The following CLCNKA variants were observed in gnomAD, a reference collection of about 807,000 sequenced individuals.
CLCNKA encodes the protein chloride voltage-gated channel Ka, also known as chloride channel protein ClC-Ka.
In CLCNKA, 66 loss-of-function variants were observed where a neutral mutation model predicts 83.3. The observed-to-expected ratio is 0.79, with a 90% CI of 0.65 to 0.97. CLCNKA has a LOEUF of 0.97. Ranked by LOEUF, CLCNKA falls within the 50% of genes least tolerant of loss-of-function variation. The pLI is 0.00. For missense variants in CLCNKA, 806 were observed against 888.7 expected, an observed-to-expected ratio of 0.91 and a Z score of 1.18; for synonymous variants, 357 against 370.4, an observed-to-expected ratio of 0.96 and a Z score of 0.42.
In CLCNKA at chr1:16,028,085, A is replaced by C. The variant is rs2022447599; in HGVS notation, c.934A>C (p.Thr312Pro). ...CQRTFLSFIK[T>P]NRYSSKLLAT... The stretch of plus-strand genomic sequence containing the variant: ...GCGAACCTTCCTCAGCTTCATCAAG[A>C]CCAATCGGTACAGCTCCAAACTGCT... Residue 312 changes from threonine to proline, a missense_variant, in exon 10 of 20, where the codon ACC becomes CCC. Thr to Pro is a conservative substitution (Grantham distance 38, BLOSUM62 -1). Coordinates refer to ENST00000331433, the MANE Select transcript of CLCNKA (RefSeq NM_004070.4). 6.3e-7 allele frequency: 1 copy of C among 1,578,700 alleles called. No homozygotes were observed. The highest frequency in any genetic ancestry group is 1.3e-5 in the African/African-American group (1 of 74,604).
intron 2 of CLCNKA, among the ~76,000 whole-genome samples, 190 bp from the exon 3 acceptor site, chr1:16,023,610 C>T (rs1445802984): frequency 6.6e-6 from 1 of 152,202 alleles, no homozygotes; most frequent in East Asian, 1.9e-4. Flanking sequence ...CTGACACAGC[C>T]ATCTGCCAGT....
At chr1:16,023,563 A>C (rs1353705456) in intron 2 of CLCNKA, among the ~76,000 whole-genome samples, 1 of 152,214 alleles carries the variant, frequency 6.6e-6, no homozygotes, top group African/African-American at 2.4e-5. Flanking sequence ...AGGCTCACTC[A>C]GTGGTGGCCT....
intron 19 of CLCNKA, 109 bp from the exon 20 acceptor site, chr1:16,033,502 G>C: frequency 2.9e-6 from 3 of 1,019,676 alleles, no homozygotes; most frequent in Admixed American, 3.9e-5. Flanking sequence ...GGTGGCACAG[G>C]CTCTACTATT....
intron 18 of CLCNKA, 40 bp from the exon 19 acceptor site, chr1:16,033,130 C>T (rs778666446): frequency 1.2e-6 from 2 of 1,603,878 alleles, no homozygotes; most frequent in Non-Finnish European, 1.7e-6. Flanking sequence ...GGGCTGGGCG[C>T]CATCTACCCT....
At position 16,030,626 on chromosome 1, in the gene CLCNKA, T is replaced by G. The variant is rs2022585729; in HGVS notation, c.1574T>G (p.Ile525Ser). Residue 525 changes from isoleucine to serine, a missense_variant, in exon 15 of 20, where the codon ATT (isoleucine) becomes AGT (serine). By Grantham distance (142) the Ile-to-Ser change is moderately radical. Coordinates refer to ENST00000331433, the MANE Select transcript of CLCNKA (RefSeq NM_004070.4). ...CCCTCCTTCTATGATGGCACCATCA[T>G]TGTCAAGAAGCTGCCATACCTGCCA... ...CQPSFYDGTI[I>S]VKKLPYLPRI... 18 of 1,613,108 alleles carry G rather than the reference T, an allele frequency of 1.1e-5. No homozygotes were observed. The highest frequency in any genetic ancestry group is 1.4e-5 in the Non-Finnish European group (17 of 1,180,038).
At chr1:16,028,167 G>T in intron 10 of CLCNKA, 48 bp downstream of exon 10, 1 of 1,554,484 alleles carries the variant, frequency 6.4e-7, no homozygotes, top group South Asian at 1.1e-5. Context: ...GTCCCTTGTG[G>T]ACTCCAGACC....
At position 16,029,733 on chromosome 1, in the gene CLCNKA, C is replaced by G. The variant is rs1409048697; in HGVS notation, c.1230C>G (p.Phe410Leu). Residue 410 changes from phenylalanine to leucine, a missense_variant and splice_region_variant, in exon 13 of 20, where the codon TTC becomes TTG. Transcript: ENST00000331433. Reference protein sequence around the residue: ...GTLAFFLVMKFWMLILATTIP... With the variant: ...GTLAFFLVMKLWMLILATTIP... ...CCCTGGGCTCCCCCTTCCTGCAGTT[C>G]TGGATGCTGATTCTGGCCACCACCA... 2.5e-6 allele frequency: 4 copies of G among 1,614,144 alleles called. No homozygotes were observed. The Admixed American group carries it at 5.0e-5, about 20-fold the overall frequency.
Position 16,033,181 on chromosome 1 carries a change from C to A in CLCNKA, c.1941C>A (p.Leu647=). 6.2e-7 allele frequency: 1 copy of A among 1,614,190 alleles called. No homozygotes were observed. The highest frequency in any genetic ancestry group is 2.2e-5 in the East Asian group (1 of 44,886). ...AATCCCCCATCCAGGCACAAAACCT[C>A]TTTAAGCTGTTGAACCTTCAGTCCC... is the stretch of plus-strand genomic sequence containing the variant. The part of the protein sequence containing the change: ...SETTLHQAQN[L]FKLLNLQSLF... The change falls in exon 19 of 20, where the codon CTC becomes CTA. Residue 647 remains leucine, a synonymous_variant. Coordinates refer to ENST00000331433, the MANE Select transcript of CLCNKA (RefSeq NM_004070.4).
Position 16,028,575 on chromosome 1 carries a change from C to T in CLCNKA, c.969-186C>T, listed in dbSNP as rs1402364502. On this transcript the variant is annotated intron_variant, in intron 10 of 19. Coordinates refer to ENST00000331433, the MANE Select transcript of CLCNKA (RefSeq NM_004070.4). Reference sequence around the variant, plus strand: ...CAGTCATACCCAGTTGAGGGGCTCACCCCACGGGTTCTACCCGCTGGAGGG... The same window carrying T: ...CAGTCATACCCAGTTGAGGGGCTCATCCCACGGGTTCTACCCGCTGGAGGG... The T allele has an allele frequency of 4.0e-6, 3 of 747,602 alleles. No homozygotes were observed. In the East Asian group the frequency reaches 8.0e-5, roughly 20 times the overall value. 46.3% of individuals were successfully genotyped at this position (747,602 alleles called of 1,614,324 possible). A position where few individuals can be genotyped will look rare whatever the true frequency, so the allele number is the denominator to read the frequency against.
At chr1:16,032,619 G>T in intron 18 of CLCNKA, 93 bp downstream of exon 18, 11 of 945,780 alleles carry the variant, frequency 1.2e-5, no homozygotes, top group Non-Finnish European at 1.7e-5. Flanking sequence ...TCCCAACCCC[G>T]CCCCGCCCAT....
At chr1:16,033,084 C>A in intron 18 of CLCNKA, 86 bp from the exon 19 acceptor site, 1 of 1,405,030 alleles carries the variant, frequency 7.1e-7, no homozygotes, top group Non-Finnish European at 1.0e-6. Context: ...CGCCCCTCTT[C>A]CTGGCTCAGA....
intron 16 of CLCNKA, 145 bp from the exon 17 acceptor site, chr1:16,032,058 A>G: frequency 8.7e-7 from 1 of 1,154,800 alleles, no homozygotes. Context: ...ATGTCTAAAG[A>G]GAGTCGGCTG....
intron 2 of CLCNKA, 54 bp downstream of exon 2, chr1:16,022,773 C>A: frequency 7.8e-7 from 1 of 1,280,728 alleles, no homozygotes; most frequent in Non-Finnish European, 1.1e-6. Flanking sequence ...GACATCATTC[C>A]TGCCTGGCTC....
chr1:16,032,059 G>T (rs902035940), intron 16 of CLCNKA, 144 bp from the exon 17 acceptor site: 1 of 1,151,236 alleles, frequency 8.7e-7, no homozygotes, highest in Non-Finnish European at 1.3e-6. Flanking sequence ...TGTCTAAAGA[G>T]AGTCGGCTGG....
At position 16,029,820 on chromosome 1, in the gene CLCNKA, G is replaced by A. The variant is rs771326944; in HGVS notation, c.1297+20G>A. 2 of 1,613,982 alleles carry A rather than the reference G, an allele frequency of 1.2e-6. No homozygotes were observed. Among genetic ancestry groups the A allele is most frequent in the African/African-American group, 1.3e-5 (1 of 74,914 alleles). ...TCCTTGGTGAGTCTGGGGTCCTGAG[G>A]TTCTGAGAGTTTTGGGGTTCTTGGG... On this transcript the variant is annotated intron_variant, in intron 13 of 19. Transcript: ENST00000331433.
At position 16,030,089 on chromosome 1, in the gene CLCNKA, G is replaced by T. The variant is rs545834171; in HGVS notation, c.1408+14G>T. Reference sequence around the variant, plus strand: ...ATGCTCTGGCAGGTGAGTGGGTCACGGCCCTGCTGGGTGGGCAATGTCGTG... The same window carrying T: ...ATGCTCTGGCAGGTGAGTGGGTCACTGCCCTGCTGGGTGGGCAATGTCGTG... On this transcript the variant is annotated intron_variant, in intron 14 of 19. Transcript: ENST00000331433. 4.5e-6 allele frequency: 7 copies of T among 1,555,552 alleles called. No homozygotes were observed. Among genetic ancestry groups the T allele is most frequent in the Non-Finnish European group, 5.3e-6 (6 of 1,127,686 alleles).
Position 16,024,898 on chromosome 1 carries a change from C to T in CLCNKA, c.358+7C>T, listed in dbSNP as rs1465985130. ...ATCACGCCCTCCTCTGGAGGTGAGT[C>T]CACGGTCGCCATGCCAGTCCCCAGT... On this transcript the variant is annotated splice_region_variant and intron_variant, in intron 4 of 19. Coordinates refer to ENST00000331433, the MANE Select transcript of CLCNKA (RefSeq NM_004070.4). 1 of 1,614,054 alleles carries T rather than the reference C, an allele frequency of 6.2e-7. No individual in the cohort carries two copies. The highest frequency in any genetic ancestry group is 1.1e-5 in the South Asian group (1 of 91,082).
intron 4 of CLCNKA, among the ~76,000 whole-genome samples, chr1:16,025,315 C>G (rs980748960): frequency 6.6e-6 from 1 of 152,224 alleles, no homozygotes; most frequent in Non-Finnish European, 1.5e-5. Flanking sequence ...TCGCATTCCT[C>G]TCTGACTCTA....
At chr1:16,028,248 A>G (rs2022457508) in intron 10 of CLCNKA, 129 bp downstream of exon 10, 2 of 866,016 alleles carry the variant, frequency 2.3e-6, no homozygotes, top group Admixed American at 2.0e-5. Flanking sequence ...GGAGCATCTA[A>G]CAACCCTCTC....
Sources: allele counts gnomAD v4.1 joint callset (sites outside exome capture counted in the v4.1 genomes callset), GRCh38; gene constraint gnomAD v4.1.1; transcripts MANE v1.5; gene names NCBI Gene and HGNC (gene_info 2026-07-23, HGNC 2026-07-21).